NRP2: variants seen among roughly 807,000 people sequenced by gnomAD.
The protein encoded by NRP2 is neuropilin 2, also known as neuropilin-2.
Under a neutral mutation model 110.4 loss-of-function variants are expected in NRP2, and 52 were observed. The ratio of observed to expected loss-of-function variants is 0.47; its 90% CI spans 0.38 to 0.59. The LOEUF is 0.59. Ranked by LOEUF, NRP2 falls within the 20% of genes least tolerant of loss-of-function variation. The pLI is 0.00. For missense variants in NRP2, 1,049 were observed against 1,203.0 expected (o/e 0.87, Z 1.89); for synonymous variants, 508 against 468.9 (o/e 1.08, Z -1.08).
rs2058339920 is a variant in NRP2 at position 205,795,013 on chromosome 2, GCA to G, written c.2739_2740del (p.His913GlnfsTer19). On this transcript the variant is annotated frameshift_variant, in exon 17 of 17. Transcript: ENST00000357785. LOFTEE classifies it high-confidence loss of function. ...YNFELYDGLK[H>X]KVKMNHQKCC... Reference sequence around the variant, plus strand: ...ACTTCGAGCTCTACGATGGCCTTAAGCACAAGGTCAAGATGAACCACCAAAAG... The same window carrying G: ...ACTTCGAGCTCTACGATGGCCTTAAGCAAGGTCAAGATGAACCACCAAAAG... The G allele has an allele frequency of 6.2e-7, 1 of 1,614,030 alleles. No individual in the cohort carries two copies. The highest frequency in any genetic ancestry group is 1.3e-5 in the African/African-American group (1 of 74,914).
At chr2:205,791,869 C>A (rs1396799498) in intron 15 of NRP2, among the ~76,000 whole-genome samples, 9 of 152,184 alleles carry the variant, frequency 5.9e-5, no homozygotes. Flanking sequence ...CAGCATGATA[C>A]ACTAAATGGA....
At chr2:205,695,115 A>G (rs1009423702) in intron 1 of NRP2, among the ~76,000 whole-genome samples, 2 of 152,210 alleles carry the variant, frequency 1.3e-5, no homozygotes, top group Non-Finnish European at 2.9e-5. Flanking sequence ...AGTATTGAAA[A>G]GGTTACCAAC....
intron 2 of NRP2, among the ~76,000 whole-genome samples, chr2:205,703,782 G>T (rs537558429): frequency 4.6e-5 from 7 of 152,312 alleles, no homozygotes; most frequent in African/African-American, 1.7e-4. Flanking sequence ...GGGAGGGTTT[G>T]ATGCCTTCAG....
intron 11 of NRP2, 157 bp from the exon 12 acceptor site, chr2:205,752,678 A>C: frequency 2.7e-6 from 2 of 737,680 alleles, no homozygotes; most frequent in Non-Finnish European, 4.6e-6. Flanking sequence ...CCCGAAAGCC[A>C]GCGATCGCCA....
At chr2:205,762,686 G>A (rs3771007) in intron 12 of NRP2, among the ~76,000 whole-genome samples, 2,963 of 152,208 alleles carry the variant, frequency 0.019, 78 homozygotes, top group South Asian at 0.071. Flanking sequence ...GCCAAAAAGA[G>A]GTACTGAGAT....
chr2:205,683,312 T>C lies in NRP2; in HGVS notation c.22T>C (p.Trp8Arg). 2 of 1,613,876 alleles carry C rather than the reference T, an allele frequency of 1.2e-6. No homozygotes were observed. The highest frequency in any genetic ancestry group is 1.1e-5 in the South Asian group (1 of 91,012). The change falls in exon 1 of 17, where the codon TGG becomes CGG. Residue 8 changes from tryptophan to arginine, a missense_variant. Coordinates refer to ENST00000357785, the MANE Select transcript of NRP2 (RefSeq NM_003872.3). MDMFPLT[W>R]VFLALYFSRH... is the part of the protein sequence containing the mutation. Reference sequence around the variant, plus strand: ...CAAAATGGATATGTTTCCTCTCACCTGGGTTTTCTTAGCCCTCTACTTTTC... The same window carrying C: ...CAAAATGGATATGTTTCCTCTCACCCGGGTTTTCTTAGCCCTCTACTTTTC...
At chr2:205,743,092 T>A in intron 8 of NRP2, 111 bp from the exon 9 acceptor site, 1 of 1,591,738 alleles carries the variant, frequency 6.3e-7, no homozygotes, top group Non-Finnish European at 8.5e-7. Context: ...AAATTAGTGC[T>A]GACTTAGTAT....
intron 15 of NRP2, chr2:205,776,049 C>T (rs903612497): frequency 5.2e-5 from 38 of 733,984 alleles, no homozygotes; most frequent in Non-Finnish European, 8.4e-5. Context: ...TAGCTACCTC[C>T]CAAGGGGGTA....
intron 1 of NRP2, among the ~76,000 whole-genome samples, chr2:205,687,307 A>G (rs1272231114): frequency 1.3e-5 from 2 of 152,194 alleles, no homozygotes; most frequent in African/African-American, 2.4e-5. Context: ...TGTCTCCCCA[A>G]AATGTGAGAT....
intron 7 of NRP2, among the ~76,000 whole-genome samples, chr2:205,731,287 T>A (rs1420398802): frequency 2.0e-5 from 3 of 152,258 alleles, no homozygotes; most frequent in East Asian, 3.8e-4. Context: ...TGCTTTTGGT[T>A]TCCCCAGCTA....
chr2:205,755,721 G>A (rs2057723660), intron 12 of NRP2, among the ~76,000 whole-genome samples: 1 of 152,128 alleles, frequency 6.6e-6, no homozygotes, highest in South Asian at 2.1e-4. Context: ...GGCGCCCACA[G>A]AGTCAGCCTG....
intron 1 of NRP2, among the ~76,000 whole-genome samples, chr2:205,694,954 A>C (rs1244355608): frequency 2.6e-5 from 4 of 152,238 alleles, no homozygotes; most frequent in African/African-American, 9.6e-5. Flanking sequence ...ATGATGTGTG[A>C]TATTTTATGA....
In NRP2 at chr2:205,763,979, A is replaced by G. The variant is rs1296347205; in HGVS notation, c.2307+43A>G. 7 of 1,611,082 alleles carry G rather than the reference A, an allele frequency of 4.3e-6. No individual in the cohort carries two copies. Among genetic ancestry groups the G allele is most frequent in the Non-Finnish European group, 5.9e-6 (7 of 1,178,284 alleles). ...GGAATCTTGTGATCCGTATTTCAAT[A>G]TTTCAAGGGCCGAGCCCATTCATCG... On this transcript the variant is annotated intron_variant, in intron 13 of 16. Coordinates refer to ENST00000357785, the MANE Select transcript of NRP2 (RefSeq NM_003872.3). The surrounding 1 kb of genome is among the most constrained non-coding windows in gnomAD (Gnocchi z 4.0).
At chr2:205,787,935 T>G (rs1672439053) in intron 15 of NRP2, among the ~76,000 whole-genome samples, 1 of 152,176 alleles carries the variant, frequency 6.6e-6, no homozygotes. Flanking sequence ...AAAAGCTTAT[T>G]TCATTAGAAG....
chr2:205,758,921 C>T (rs1291644166), intron 12 of NRP2, among the ~76,000 whole-genome samples: 1 of 152,108 alleles, frequency 6.6e-6, no homozygotes, highest in Non-Finnish European at 1.5e-5. Context: ...AGTAGCCCCC[C>T]GCCCCCACCA....
rs746710925 is a variant in NRP2, at chr2:205,743,322, C to T, written c.1411C>T (p.Arg471Cys). Residue 471 changes from arginine (R) to cysteine (C), a missense_variant, in exon 9 of 17, where the codon CGC becomes TGC. Coordinates refer to ENST00000357785, the MANE Select transcript of NRP2 (RefSeq NM_003872.3). The part of the protein sequence containing the change: ...SPSAARLVSS[R>C]SGWFPRIPQA... Reference sequence around the variant, plus strand: ...CAGTGCAGCCCGCCTGGTTAGCAGCCGCTCGGGCTGGTTCCCTCGAATCCC... The same window carrying T: ...CAGTGCAGCCCGCCTGGTTAGCAGCTGCTCGGGCTGGTTCCCTCGAATCCC... 1.1e-5 allele frequency: 18 copies of T among 1,614,046 alleles called. No homozygotes were observed. The highest frequency in any genetic ancestry group is 2.2e-5 in the East Asian group (1 of 44,896).
At chr2:205,718,928 G>T (rs1025762082) in intron 3 of NRP2, among the ~76,000 whole-genome samples, 6 of 126,404 alleles carry the variant, frequency 4.7e-5, no homozygotes, top group Non-Finnish European at 6.7e-5. Flanking sequence ...GACGACAAGA[G>T]CGAAATTCCA....
rs184306455 is a variant in NRP2, at chr2:205,730,448, G to A, written c.1146+2402G>A. On this transcript the variant is annotated intron_variant, in intron 7 of 16. Transcript: ENST00000357785. ...CACCACTGAGTTTCTCTTTGTAGCT[G>A]CTGGATGGTGGGCACTGTGCCAAGC... 5.2e-4 allele frequency among the ~76,000 whole-genome samples: 79 copies of A among 152,294 alleles called. 1 individual carries two copies. In the East Asian group the frequency reaches 0.015, roughly 29 times the overall value.
At chr2:205,778,542 C>T (rs1361306637) in intron 15 of NRP2, 3 of 152,180 alleles carry the variant, frequency 2.0e-5, no homozygotes, top group Admixed American at 2.0e-4. Flanking sequence ...TAATATGCCA[C>T]TCATTAAGGG....
Sources: allele counts gnomAD v4.1 joint callset (sites outside exome capture counted in the v4.1 genomes callset), GRCh38; gene constraint gnomAD v4.1.1; non-coding constraint Gnocchi (gnomAD v3.1); transcripts MANE v1.5; gene names NCBI Gene and HGNC (gene_info 2026-07-23, HGNC 2026-07-21).